Variants in GMDS observed in about 807,000 individuals in gnomAD.
GMDS encodes GDP-mannose 4,6-dehydratase.
In GMDS, 20 loss-of-function variants were observed where a neutral mutation model predicts 49.9. That is an observed-to-expected ratio of 0.40 (90% confidence interval 0.28 to 0.58). The LOEUF (loss-of-function observed/expected upper bound fraction) is 0.58. Ranked by LOEUF, GMDS falls within the 20% of genes least tolerant of loss-of-function variation. The pLI, the probability that GMDS is intolerant of heterozygous loss-of-function variation, is 0.42. For synonymous variants in GMDS, 177 were observed against 178.6 expected (o/e 0.99, Z 0.07); for missense variants, 362 against 481.4 (o/e 0.75, Z 2.32).
chr6:2,219,901 C>T (rs1420079588), intron 1 of GMDS, among the ~76,000 whole-genome samples: 2 of 152,186 alleles, frequency 1.3e-5, no homozygotes, highest in African/African-American at 4.8e-5. Flanking sequence ...GTCAACATGG[C>T]ACCAGAAGTG....
At chr6:1,866,123 CA>C (rs1393017779) in intron 7 of GMDS, among the ~76,000 whole-genome samples, 1 of 152,206 alleles carries the variant, frequency 6.6e-6, no homozygotes, top group African/African-American at 2.4e-5. Context: ...AGCTGTCAGG[CA>C]GTGGGGCTGA....
chr6:1,748,400 T>G (rs1249224117), intron 7 of GMDS, among the ~76,000 whole-genome samples: 6 of 152,224 alleles, frequency 3.9e-5, no homozygotes, highest in African/African-American at 1.4e-4. Context: ...GCTAATCATT[T>G]TTGGGTTTTG....
At chr6:1,802,997 G>A (rs1256875244) in intron 7 of GMDS, among the ~76,000 whole-genome samples, 2 of 152,170 alleles carry the variant, frequency 1.3e-5, no homozygotes, top group East Asian at 1.9e-4. Context: ...TAATAGCTGC[G>A]CTGATAAGGA....
At chr6:1,708,972 T>C (rs1211103753) in intron 9 of GMDS, among the ~76,000 whole-genome samples, 1 of 152,200 alleles carries the variant, frequency 6.6e-6, no homozygotes, top group East Asian at 1.9e-4. Context: ...CCTCAAAGCC[T>C]TCATACCTGG....
intron 7 of GMDS, among the ~76,000 whole-genome samples, chr6:1,790,769 G>A (rs539127047): frequency 3.9e-5 from 6 of 152,234 alleles, no homozygotes; most frequent in Non-Finnish European, 5.9e-5. Context: ...GACAACAATC[G>A]TGATACTTAG....
At position 2,056,576 on chromosome 6, in the gene GMDS, T is replaced by C. The variant is rs1026721067; in HGVS notation, c.345+59195A>G. Among the ~76,000 whole-genome samples, 8 of 152,244 alleles carry C rather than the reference T, an allele frequency of 5.3e-5. No individual in the cohort carries two copies. The East Asian group carries it at 1.5e-3, about 29-fold the overall frequency. On this transcript the variant is annotated intron_variant, in intron 4 of 10. Coordinates refer to ENST00000380815, the MANE Select transcript of GMDS (RefSeq NM_001500.4). ...CACAAGAGACCATGGTTTTCAACCCTGGCTACCCATCAGAATCACTTCAGG... is the reference window on the plus strand; with the variant it reads ...CACAAGAGACCATGGTTTTCAACCCCGGCTACCCATCAGAATCACTTCAGG...
intron 9 of GMDS, among the ~76,000 whole-genome samples, chr6:1,631,217 T>A (rs1380858442): frequency 6.6e-6 from 1 of 152,158 alleles, no homozygotes; most frequent in Non-Finnish European, 1.5e-5. Flanking sequence ...ATCAGCTAAT[T>A]AAACCACAAA....
chr6:1,938,804 T>C (rs1390917208), intron 6 of GMDS, among the ~76,000 whole-genome samples: 4 of 152,164 alleles, frequency 2.6e-5, no homozygotes, highest in African/African-American at 9.6e-5. Flanking sequence ...TTCTACTCTC[T>C]TAATTTCTTT....
At chr6:1,952,038 TCTC>T (rs1763363572) in intron 6 of GMDS, 3 of 967,098 alleles carry the variant, frequency 3.1e-6, no homozygotes, top group East Asian at 2.3e-4. Flanking sequence ...TTACATGACT[TCTC>T]CTAGGATTAT....
At chr6:2,162,410 C>A (rs3778561) in intron 1 of GMDS, among the ~76,000 whole-genome samples, 106,114 of 151,862 alleles carry the variant, frequency 0.7, 37,428 homozygotes, top group East Asian at 0.82. Flanking sequence ...TTCTGTGGCT[C>A]AAATCAAATA....
chr6:1,753,545 A>G (rs1317942735), intron 7 of GMDS, among the ~76,000 whole-genome samples: 1 of 152,232 alleles, frequency 6.6e-6, no homozygotes, highest in East Asian at 1.9e-4. Context: ...GATCTAATAG[A>G]CAGCTACAGA....
intron 7 of GMDS, among the ~76,000 whole-genome samples, chr6:1,782,763 T>C (rs1172389916): frequency 6.6e-6 from 1 of 152,234 alleles, no homozygotes; most frequent in Admixed American, 6.5e-5. Context: ...TGACTAAATG[T>C]CCACTGTGGG....
intron 7 of GMDS, among the ~76,000 whole-genome samples, chr6:1,876,933 T>C (rs932338835): frequency 3.9e-5 from 6 of 152,216 alleles, no homozygotes; most frequent in Non-Finnish European, 7.3e-5. Context: ...AGAACAGTTA[T>C]GGCTGAAACA....
chr6:2,105,187 A>G (rs541727546), intron 4 of GMDS, among the ~76,000 whole-genome samples: 2 of 150,594 alleles, frequency 1.3e-5, no homozygotes, highest in South Asian at 4.2e-4. Context: ...GTCTCAAAAA[A>G]AAAAAAAAAA....
chr6:2,032,002 A>C (rs1768991695), intron 4 of GMDS, among the ~76,000 whole-genome samples: 2 of 152,206 alleles, frequency 1.3e-5, no homozygotes, highest in African/African-American at 4.8e-5. Flanking sequence ...CTATATTAAA[A>C]ATTTATAATT....
Position 1,929,178 on chromosome 6 carries a change from T to C in GMDS, c.771+925A>G, listed in dbSNP as rs1323267438. On this transcript the variant is annotated intron_variant, in intron 7 of 10. Coordinates refer to ENST00000380815, the MANE Select transcript of GMDS (RefSeq NM_001500.4). ...AAACAAACTAATTGTTTGCTTTCTT[T>C]TGTAGGCATTAAAGTTTCTTTTTGA... is the stretch of plus-strand genomic sequence containing the variant. Among the ~76,000 whole-genome samples the C allele has an allele frequency of 2.0e-5, 3 of 152,228 alleles. No individual in the cohort carries two copies. The East Asian group carries it at 5.8e-4, about 29-fold the overall frequency.
intron 1 of GMDS, among the ~76,000 whole-genome samples, chr6:2,138,580 G>T (rs952620384): frequency 6.6e-6 from 1 of 152,168 alleles, no homozygotes; most frequent in Non-Finnish European, 1.5e-5. Flanking sequence ...GGTCTAGTGG[G>T]AGGTGTTTGA....
chr6:1,673,686 G>A (rs559910351), intron 9 of GMDS, among the ~76,000 whole-genome samples: 1 of 152,076 alleles, frequency 6.6e-6, no homozygotes, highest in African/African-American at 2.4e-5. Flanking sequence ...AAAGCCCCCT[G>A]TGCTCTTCCT....
At chr6:2,000,113 C>T (rs1485113477) in intron 4 of GMDS, among the ~76,000 whole-genome samples, 1 of 125,136 alleles carries the variant, frequency 8.0e-6, no homozygotes, top group Non-Finnish European at 1.6e-5. Flanking sequence ...CAGCTCACTG[C>T]AAGCTCCACT....
Sources: allele counts gnomAD v4.1 joint callset (sites outside exome capture counted in the v4.1 genomes callset), GRCh38; gene constraint gnomAD v4.1.1; transcripts MANE v1.5; gene names NCBI Gene and HGNC (gene_info 2026-07-23, HGNC 2026-07-21).